RETREG3: variants seen among roughly 807,000 people sequenced by gnomAD.
RETREG3 encodes the protein reticulophagy regulator family member 3.
In RETREG3, 23 loss-of-function variants were observed where a neutral mutation model predicts 50.2. That is an observed-to-expected ratio of 0.46 (90% CI 0.33 to 0.65). The LOEUF (loss-of-function observed/expected upper bound fraction) is 0.65, where lower values mean the gene tolerates loss of function less well. Among genes scored for constraint, RETREG3 ranks in the 30% least tolerant of loss-of-function variants. RETREG3 has a pLI of 0.02. For missense variants in RETREG3, 546 were observed against 598.0 expected, an observed-to-expected ratio of 0.91 and a Z score of 0.91; for synonymous variants, 240 against 234.4, an observed-to-expected ratio of 1.02 and a Z score of -0.22.
intron 1 of RETREG3, among the ~76,000 whole-genome samples, chr17:42,605,516 T>C (rs1401020395): frequency 6.6e-6 from 1 of 152,144 alleles, no homozygotes; most frequent in East Asian, 1.9e-4. Flanking sequence ...ACTACTAGAA[T>C]GTGAAGCCCA....
chr17:42,604,602 A>G (rs1160774349), intron 1 of RETREG3, among the ~76,000 whole-genome samples: 1 of 148,458 alleles, frequency 6.7e-6, no homozygotes, highest in Non-Finnish European at 1.5e-5. Flanking sequence ...CCCAGGAGGT[A>G]GAGGCTGCAG....
At chr17:42,584,815 CAAAA>C (rs71157643) in intron 6 of RETREG3, among the ~76,000 whole-genome samples, 52 of 82,590 alleles carry the variant, frequency 6.3e-4, no homozygotes, top group African/African-American at 5.0e-4. Context: ...GACCCTGTCT[CAAAA>C]AAAAAAAAAA....
At chr17:42,588,376 G>C (rs2093125455) in intron 2 of RETREG3, among the ~76,000 whole-genome samples, 1 of 151,474 alleles carries the variant, frequency 6.6e-6, no homozygotes, top group African/African-American at 2.4e-5. Context: ...CTCCTGAGTA[G>C]CTGGGACTAC....
At chr17:42,597,779 G>A (rs1403396620) in intron 1 of RETREG3, among the ~76,000 whole-genome samples, 9 of 148,138 alleles carry the variant, frequency 6.1e-5, no homozygotes, top group African/African-American at 1.2e-4. Flanking sequence ...TAAGGTGTGC[G>A]CCACTGCGCC....
At chr17:42,607,136 ACT>A (rs1449749324) in intron 1 of RETREG3, among the ~76,000 whole-genome samples, 10 of 152,070 alleles carry the variant, frequency 6.6e-5, no homozygotes, top group African/African-American at 2.4e-4. Context: ...TGGATAAAAC[ACT>A]CTTCAGTGAG....
intron 1 of RETREG3, among the ~76,000 whole-genome samples, chr17:42,606,149 T>C (rs887250090): frequency 6.6e-5 from 10 of 151,994 alleles, no homozygotes; most frequent in African/African-American, 2.4e-4. Context: ...ATCACAGCAA[T>C]GCTTTAAGAG....
intron 1 of RETREG3, among the ~76,000 whole-genome samples, chr17:42,608,105 AAC>A (rs1167825567): frequency 1.4e-4 from 21 of 152,216 alleles, no homozygotes; most frequent in Admixed American, 1.4e-3. Context: ...TTTTAGCAAA[AAC>A]ACAATTAAAA....
At chr17:42,608,873 A>C in intron 1 of RETREG3, 2 of 544,522 alleles carry the variant, frequency 3.7e-6, no homozygotes, top group Non-Finnish European at 3.2e-6. Flanking sequence ...GGGTGCGGGC[A>C]CAGGTAAGGC....
At chr17:42,586,185 C>G (rs764971721) in intron 4 of RETREG3, 48 bp from the exon 5 acceptor site, 19 of 1,585,052 alleles carry the variant, frequency 1.2e-5, no homozygotes, top group Non-Finnish European at 1.6e-5. Context: ...TGGCAGGGGA[C>G]TGGGGTGGGT....
In RETREG3 at chr17:42,581,584, T is replaced by G. The variant is rs2093108715; in HGVS notation, c.*229A>C. ...CCATCCTGATGGAGAGAAGCCTCCC[T>G]TGGGGGAGCACACTCTCACTTCAGT... On this transcript the variant is annotated 3_prime_UTR_variant, in exon 9 of 9. Coordinates refer to ENST00000309428, the MANE Select transcript of RETREG3 (RefSeq NM_178126.4). 3.9e-6 allele frequency: 2 copies of G among 506,732 alleles called. No individual in the cohort carries two copies. Among genetic ancestry groups the G allele is most frequent in the Non-Finnish European group, 7.0e-6 (2 of 287,548 alleles). The allele number at this position is 506,732 out of a possible 1,614,324, so 31.4% of individuals were successfully genotyped here. A position where few individuals can be genotyped will look rare whatever the true frequency, so the allele number is the denominator to read the frequency against.
intron 1 of RETREG3, 129 bp downstream of exon 1, chr17:42,608,957 T>G: frequency 1.1e-6 from 1 of 915,940 alleles, no homozygotes; most frequent in East Asian, 2.7e-5. Context: ...TGGAAGGAGG[T>G]GAGGCAAAAT....
At chr17:42,584,964 G>T (rs1424821050) in intron 6 of RETREG3, among the ~76,000 whole-genome samples, 161 bp downstream of exon 6, 1 of 152,100 alleles carries the variant, frequency 6.6e-6, no homozygotes, top group Non-Finnish European at 1.5e-5. Context: ...AGCCTGCACA[G>T]GTTTCCCTAG....
intron 1 of RETREG3, among the ~76,000 whole-genome samples, chr17:42,599,446 G>T (rs1278673969): frequency 6.6e-6 from 1 of 151,944 alleles, no homozygotes; most frequent in Non-Finnish European, 1.5e-5. Flanking sequence ...CCTGAGATCG[G>T]GAGTTTGAGA....
chr17:42,586,003 A>T (rs1312449433), intron 5 of RETREG3, 50 bp downstream of exon 5: 2 of 1,553,318 alleles, frequency 1.3e-6, no homozygotes, highest in Non-Finnish European at 1.8e-6. Flanking sequence ...CCATAGTTGG[A>T]AAGCTATGAG....
chr17:42,582,303 A>C, intron 8 of RETREG3, 33 bp from the exon 9 acceptor site: 1 of 1,569,206 alleles, frequency 6.4e-7, no homozygotes, highest in Admixed American at 1.7e-5. Context: ...GAGTCATGGC[A>C]CCTACCTGGC....
At chr17:42,598,344 T>C (rs767630602) in intron 1 of RETREG3, among the ~76,000 whole-genome samples, 2 of 152,082 alleles carry the variant, frequency 1.3e-5, no homozygotes, top group Non-Finnish European at 2.9e-5. Context: ...CTAAAATTGA[T>C]TTATGGACAA....
chr17:42,585,411 C>T lies in RETREG3; in HGVS notation c.590-149G>A, dbSNP rs2093119444. On this transcript the variant is annotated intron_variant, in intron 5 of 8. Transcript: ENST00000309428. ...CTGCCAGTCATCTTCACCAGTCTCC[C>T]CTACACATGAAGGAGTCTTTGAGGG... 3.4e-6 allele frequency: 4 copies of T among 1,192,532 alleles called. No homozygotes were observed. The East Asian group carries it at 7.7e-5, about 23-fold the overall frequency. 73.9% of individuals were successfully genotyped at this position (1,192,532 alleles called of 1,614,324 possible).
intron 4 of RETREG3, 57 bp from the exon 5 acceptor site, chr17:42,586,194 G>T: frequency 1.3e-6 from 2 of 1,536,372 alleles, no homozygotes; most frequent in Non-Finnish European, 1.8e-6. Context: ...ACTGGGGTGG[G>T]TGTGAAGGGT....
chr17:42,586,816 C>T lies in RETREG3; in HGVS notation c.453G>A (p.Gly151=). 6.2e-7 allele frequency: 1 copy of T among 1,614,062 alleles called. No homozygotes were observed. Among genetic ancestry groups the T allele is most frequent in the Non-Finnish European group, 8.5e-7 (1 of 1,179,988 alleles). ...CHHVAEVWVS[G]TIFIRNVLLF... ...GCAAAACATTCCTTATGAAAATGGT[C>T]CCACTAACCCAGACTTCAGCTACAT... Residue 151 remains glycine, a synonymous_variant, in exon 4 of 9, where the codon GGG becomes GGA. Coordinates refer to ENST00000309428, the MANE Select transcript of RETREG3 (RefSeq NM_178126.4).
Sources: allele counts gnomAD v4.1 joint callset (sites outside exome capture counted in the v4.1 genomes callset), GRCh38; gene constraint gnomAD v4.1.1; transcripts MANE v1.5; gene names NCBI Gene and HGNC (gene_info 2026-07-23, HGNC 2026-07-21).